The following CFAP251 variants were observed in gnomAD, a reference collection of about 807,000 sequenced individuals.
CFAP251 encodes the protein cilia- and flagella-associated protein 251.
CFAP251 carries 93 observed loss-of-function variants against 126.7 expected under a neutral mutation model. That is an observed-to-expected ratio of 0.73 (90% CI 0.62 to 0.87). The LOEUF (loss-of-function observed/expected upper bound fraction) is 0.87, where lower values mean the gene tolerates loss of function less well. Among genes scored for constraint, CFAP251 ranks in the 40% least tolerant of loss-of-function variants. CFAP251 has a pLI of 0.00. For synonymous variants in CFAP251, 503 were observed against 506.9 expected (o/e 0.99, Z 0.10); for missense variants, 1,287 against 1,389.2 (o/e 0.93, Z 1.17).
intron 19 of CFAP251, among the ~76,000 whole-genome samples, chr12:121,993,863 C>T (rs1209765513): frequency 1.2e-4 from 15 of 120,138 alleles, no homozygotes; most frequent in East Asian, 2.8e-4. Context: ...TCAGCCCCCC[C>T]GCCCGGCCAG....
intron 7 of CFAP251, chr12:121,948,105 G>A (rs1881384927): frequency 6.6e-6 from 1 of 152,204 alleles, no homozygotes; most frequent in Non-Finnish European, 1.5e-5. Flanking sequence ...GGAAGAGCTT[G>A]CTTTGTTGTT....
In CFAP251 at chr12:121,931,805, A is replaced by G; in HGVS notation, c.807A>G (p.Glu269=). 1.2e-6 allele frequency: 2 copies of G among 1,605,232 alleles called. No homozygotes were observed. Among genetic ancestry groups the G allele is most frequent in the Non-Finnish European group, 1.7e-6 (2 of 1,176,494 alleles). ...TTCCTGTTTACTATATTCGAGAGGA[A>G]AGGCAGAGAGTTCTTCTGTATGTTT... ...SSLPVYYIRE[E]RQRVLLYVCA... is the part of the protein sequence containing the mutation. Residue 269 remains glutamate, a synonymous_variant, in exon 4 of 22, where the codon GAA becomes GAG. Transcript: ENST00000288912.
At chr12:121,923,528 CTAA>C in intron 2 of CFAP251, 91 bp from the exon 3 acceptor site, 1 of 1,459,466 alleles carries the variant, frequency 6.9e-7, no homozygotes, top group Non-Finnish European at 9.2e-7. Context: ...CTAGGTGAGG[CTAA>C]CACTAAGACT....
At chr12:121,968,809 A>T in intron 17 of CFAP251, 1 of 786,212 alleles carries the variant, frequency 1.3e-6, no homozygotes, top group Non-Finnish European at 1.5e-6. Context: ...CAGGTAGTTT[A>T]ATAGGGGAAA....
chr12:122,001,487 T>C lies in CFAP251; in HGVS notation c.3236-10T>C. On this transcript the variant is annotated splice_polypyrimidine_tract_variant and intron_variant, in intron 20 of 21. Transcript: ENST00000288912. ...GTTAAACAATCACCTTCTCACTCTT[T>C]GACACACAGGTGAGCATATGACGGA... 6.2e-7 allele frequency: 1 copy of C among 1,611,776 alleles called. No homozygotes were observed. Among genetic ancestry groups the C allele is most frequent in the Non-Finnish European group, 8.5e-7 (1 of 1,177,830 alleles).
Position 121,958,432 on chromosome 12 carries a change from A to G in CFAP251, c.1891A>G (p.Lys631Glu). ...IAIGSICGMI[K>E]VWNYENKQYL... is the part of the protein sequence containing the mutation. ...CATCGGGAGCATCTGTGGGATGATC[A>G]AAGTGTGGAATTATGAAAACAAACA... Residue 631 changes from lysine (K) to glutamate (E), a missense_variant, in exon 12 of 22, where the codon AAA (lysine) becomes GAA (glutamate). Lys to Glu is a moderately conservative substitution (Grantham distance 56, BLOSUM62 1). Transcript: ENST00000288912. 2 of 1,614,262 alleles carry G rather than the reference A, an allele frequency of 1.2e-6. No homozygotes were observed. Among genetic ancestry groups the G allele is most frequent in the Non-Finnish European group, 1.7e-6 (2 of 1,180,036 alleles).
intron 7 of CFAP251, among the ~76,000 whole-genome samples, chr12:121,945,752 G>C (rs1392125284): frequency 1.3e-5 from 2 of 151,820 alleles, no homozygotes; most frequent in Non-Finnish European, 2.9e-5. Flanking sequence ...CGCAAGCTTT[G>C]CCTCCTGGGT....
intron 19 of CFAP251, among the ~76,000 whole-genome samples, chr12:121,994,138 G>A (rs1593008281): frequency 3.5e-5 from 3 of 85,870 alleles, no homozygotes; most frequent in Non-Finnish European, 4.7e-5. Flanking sequence ...CAGCCGCCCC[G>A]TCCGGGAGGG....
chr12:121,928,635 T>TATATAC lies in CFAP251; in HGVS notation c.748-3110_748-3109insTATACA, dbSNP rs1212235326. ...AATTTTATGTATATGTGTATATATA[T>TATATAC]ACGTATATATATATATATATACGTA... On this transcript the variant is annotated intron_variant, in intron 3 of 21. Coordinates refer to ENST00000288912, the MANE Select transcript of CFAP251 (RefSeq NM_144668.6). Among the ~76,000 whole-genome samples the TATATAC allele has an allele frequency of 5.3e-4, 11 of 20,586 alleles. 1 individual carries two copies. The highest frequency in any genetic ancestry group is 4.7e-3 in the African/African-American group (7 of 1,492). 13.5% of individuals were successfully genotyped at this position (20,586 alleles called of 152,430 possible). A position where few individuals can be genotyped will look rare whatever the true frequency, so the allele number is the denominator to read the frequency against.
intron 19 of CFAP251, among the ~76,000 whole-genome samples, chr12:121,986,999 T>C (rs1472858828): frequency 1.3e-5 from 2 of 152,218 alleles, no homozygotes; most frequent in African/African-American, 2.4e-5. Flanking sequence ...CAAAGCCCTG[T>C]GTGCTAATCT....
intron 19 of CFAP251, chr12:121,997,746 C>A (rs1402187117): frequency 6.6e-6 from 1 of 150,458 alleles, no homozygotes; most frequent in African/African-American, 2.4e-5. Flanking sequence ...TAAAGAAATA[C>A]AATAGTTTGT....
At chr12:121,931,642 C>A (rs991711502) in intron 3 of CFAP251, 104 bp from the exon 4 acceptor site, 9 of 1,195,604 alleles carry the variant, frequency 7.5e-6, no homozygotes, top group Non-Finnish European at 8.8e-6. Flanking sequence ...TTCCTCTTCA[C>A]TGAACTGTTG....
At chr12:121,992,138 G>C in intron 19 of CFAP251, 1 of 921,682 alleles carries the variant, frequency 1.1e-6, no homozygotes, top group African/African-American at 1.8e-5. Context: ...AGTGCGTCTG[G>C]GCCGCTCAGC....
At chr12:121,982,221 T>G (rs1459672305) in intron 19 of CFAP251, among the ~76,000 whole-genome samples, 117 of 152,048 alleles carry the variant, frequency 7.7e-4, no homozygotes, top group Admixed American at 6.5e-5. Flanking sequence ...TTTTTTTTTT[T>G]TAAGAGGCAG....
rs935796132 is a variant in CFAP251 at position 121,971,537 on chromosome 12, C to T, written c.2771+3368C>T. On this transcript the variant is annotated intron_variant, in intron 17 of 21. Transcript: ENST00000288912. Reference sequence around the variant, plus strand: ...CCTGCACTGAGTGAGTTCCATGTATCATCTGATTTCATCCTGACAGCCATC... The same window carrying T: ...CCTGCACTGAGTGAGTTCCATGTATTATCTGATTTCATCCTGACAGCCATC... 3.4e-5 allele frequency: 24 copies of T among 702,580 alleles called. No homozygotes were observed. The African/African-American group carries it at 3.7e-4, about 11-fold the overall frequency. 43.5% of individuals were successfully genotyped at this position (702,580 alleles called of 1,614,324 possible). A position where few individuals can be genotyped will look rare whatever the true frequency, so the allele number is the denominator to read the frequency against.
Position 122,003,865 on chromosome 12 carries a change from C to T in CFAP251, c.*101C>T, listed in dbSNP as rs1883199733. ...CTGCTTTTTATGCATTTCCCTCCCC[C>T]CTCTCATCTTTAGAACATTTAGACA... On this transcript the variant is annotated 3_prime_UTR_variant, in exon 22 of 22. Transcript: ENST00000288912. 3 of 814,030 alleles carry T rather than the reference C, an allele frequency of 3.7e-6. No homozygotes were observed. Among genetic ancestry groups the T allele is most frequent in the Admixed American group, 3.6e-5 (1 of 27,918 alleles). 50.4% of individuals were successfully genotyped at this position (814,030 alleles called of 1,614,324 possible). A position where few individuals can be genotyped will look rare whatever the true frequency, so the allele number is the denominator to read the frequency against.
chr12:121,990,513 T>C (rs1882852834), intron 19 of CFAP251, among the ~76,000 whole-genome samples: 3 of 152,158 alleles, frequency 2.0e-5, no homozygotes, highest in Non-Finnish European at 4.4e-5. Context: ...CATGCTTGTT[T>C]CCCAGCATAC....
chr12:122,000,281 G>C (rs1814592), intron 20 of CFAP251, among the ~76,000 whole-genome samples: 19 of 152,128 alleles, frequency 1.2e-4, no homozygotes, highest in African/African-American at 4.3e-4. Flanking sequence ...GCCGGGCGCA[G>C]TGGCTCATGC....
intron 19 of CFAP251, among the ~76,000 whole-genome samples, chr12:121,978,482 A>C (rs1221003350): frequency 3.3e-5 from 5 of 151,182 alleles, no homozygotes; most frequent in Non-Finnish European, 7.4e-5. Flanking sequence ...TCTAATTTAG[A>C]AAATAGAATT....
Sources: allele counts gnomAD v4.1 joint callset (sites outside exome capture counted in the v4.1 genomes callset), GRCh38; gene constraint gnomAD v4.1.1; transcripts MANE v1.5; gene names NCBI Gene and HGNC (gene_info 2026-07-23, HGNC 2026-07-21).